PTCHD4: variants seen among roughly 807,000 people sequenced by gnomAD.
The protein encoded by PTCHD4 is patched domain containing 4, also known as patched domain-containing protein 4.
Under a neutral mutation model 58.1 loss-of-function variants are expected in PTCHD4, and 33 were observed. The ratio of observed to expected loss-of-function variants is 0.57; its 90% CI spans 0.43 to 0.76. PTCHD4 has a LOEUF of 0.76. Ranked by LOEUF, PTCHD4 falls within the 30% of genes least tolerant of loss-of-function variation. The probability of loss-of-function intolerance (pLI) is 0.00; values close to 1 mark genes in which losing one functional copy is unlikely to be tolerated. For synonymous variants in PTCHD4, 478 were observed against 409.6 expected (o/e 1.17, Z -2.02); for missense variants, 1,058 against 1,027.1 (o/e 1.03, Z -0.41).
chr6:47,889,855 G>T (rs1390599815), intron 4 of PTCHD4, among the ~76,000 whole-genome samples: 1 of 151,638 alleles, frequency 6.6e-6, no homozygotes, highest in African/African-American at 2.4e-5. Context: ...TTGACAAATG[G>T]GATCTAATTA....
Position 47,871,623 on chromosome 6 carries a change from C to G in PTCHD4, c.*6680G>C, listed in dbSNP as rs911699747. On this transcript the variant is annotated 3_prime_UTR_variant, in exon 5 of 5. Coordinates refer to ENST00000339488, the MANE Select transcript of PTCHD4 (RefSeq NM_001384253.1). ...GTGCTCATTTTACATTTTGCCTTGT[C>G]TAATTTGATAAAGTGAATGAGCATC... 2.6e-5 allele frequency among the ~76,000 whole-genome samples: 4 copies of G among 151,584 alleles called. No homozygotes were observed. The highest frequency in any genetic ancestry group is 9.7e-5 in the African/African-American group (4 of 41,356).
At chr6:47,986,069 T>C (rs1481972206) in intron 4 of PTCHD4, among the ~76,000 whole-genome samples, 1 of 152,074 alleles carries the variant, frequency 6.6e-6, no homozygotes, top group African/African-American at 2.4e-5. Context: ...TTTTAGAAAA[T>C]CTGTAGACAG....
intron 4 of PTCHD4, among the ~76,000 whole-genome samples, chr6:47,968,249 A>G (rs1340827532): frequency 6.6e-6 from 1 of 152,196 alleles, no homozygotes; most frequent in Non-Finnish European, 1.5e-5. Flanking sequence ...TCAATGGGGC[A>G]GTCAGAACAC....
chr6:47,989,024 T>G (rs1405003668), intron 4 of PTCHD4, among the ~76,000 whole-genome samples: 1 of 152,182 alleles, frequency 6.6e-6, no homozygotes, highest in Non-Finnish European at 1.5e-5. Context: ...AAAAGCCTGA[T>G]AGCGATATGG....
intron 4 of PTCHD4, among the ~76,000 whole-genome samples, chr6:47,921,006 T>C (rs1765414835): frequency 6.6e-6 from 1 of 152,034 alleles, no homozygotes; most frequent in African/African-American, 2.4e-5. Flanking sequence ...GGACTGAAGT[T>C]GTCTGCAGCA....
intron 4 of PTCHD4, among the ~76,000 whole-genome samples, chr6:47,910,389 G>T (rs1204764784): frequency 6.6e-6 from 1 of 151,980 alleles, no homozygotes. Context: ...CAGAGGGAGG[G>T]CATATTACTT....
At chr6:47,931,186 C>T (rs1364475614) in intron 4 of PTCHD4, among the ~76,000 whole-genome samples, 1 of 152,226 alleles carries the variant, frequency 6.6e-6, no homozygotes, top group African/African-American at 2.4e-5. Context: ...GACCTGGCAG[C>T]ATCCTGCTTA....
intron 4 of PTCHD4, among the ~76,000 whole-genome samples, chr6:48,004,513 A>T (rs2114071190): frequency 6.6e-6 from 1 of 152,318 alleles, no homozygotes; most frequent in Non-Finnish European, 1.5e-5. Flanking sequence ...TGAGGTGAAA[A>T]AAAGGCTGAC....
chr6:47,959,190 T>C (rs1482461374), intron 4 of PTCHD4, among the ~76,000 whole-genome samples: 1 of 152,238 alleles, frequency 6.6e-6, no homozygotes, highest in East Asian at 1.9e-4. Flanking sequence ...CCAGTTATTA[T>C]AACTGTATTT....
At chr6:48,036,885 A>T (rs1461225102) in intron 3 of PTCHD4, among the ~76,000 whole-genome samples, 2 of 152,166 alleles carry the variant, frequency 1.3e-5, no homozygotes, top group African/African-American at 4.8e-5. Context: ...ACTGTGCCTG[A>T]TAAGGGATTA....
At chr6:47,908,198 C>G (rs1764960267) in intron 4 of PTCHD4, among the ~76,000 whole-genome samples, 1 of 152,044 alleles carries the variant, frequency 6.6e-6, no homozygotes, top group Non-Finnish European at 1.5e-5. Context: ...CATGATGAGT[C>G]TAAAGAGGGA....
intron 3 of PTCHD4, among the ~76,000 whole-genome samples, chr6:48,053,603 T>C (rs1764308441): frequency 1.3e-5 from 2 of 152,178 alleles, no homozygotes; most frequent in African/African-American, 4.8e-5. Flanking sequence ...ATAATAAATA[T>C]TTACCATGAG....
intron 4 of PTCHD4, among the ~76,000 whole-genome samples, chr6:48,007,019 A>G (rs1762461199): frequency 6.6e-6 from 1 of 152,160 alleles, no homozygotes. Context: ...TGGGTGGATC[A>G]CCTGAAATCA....
intron 4 of PTCHD4, among the ~76,000 whole-genome samples, chr6:47,945,948 T>A (rs888598914): frequency 1.3e-5 from 2 of 151,976 alleles, no homozygotes; most frequent in Admixed American, 6.6e-5. Flanking sequence ...CAATAATATA[T>A]ACTTTAAAAA....
At chr6:48,030,027 G>C (rs1440934912) in intron 3 of PTCHD4, among the ~76,000 whole-genome samples, 1 of 152,012 alleles carries the variant, frequency 6.6e-6, no homozygotes. Flanking sequence ...TACTACAGGT[G>C]AAGTCTGGCT....
intron 3 of PTCHD4, among the ~76,000 whole-genome samples, chr6:48,017,460 A>G (rs1223707331): frequency 6.6e-6 from 1 of 152,234 alleles, no homozygotes; most frequent in East Asian, 1.9e-4. Context: ...TTAAAAAAAC[A>G]AGATTTCTGT....
chr6:47,916,723 C>T (rs562047688), intron 4 of PTCHD4, among the ~76,000 whole-genome samples: 1 of 152,078 alleles, frequency 6.6e-6, no homozygotes, highest in East Asian at 1.9e-4. Context: ...ATGCTTCCTC[C>T]TACAAGGCTA....
Position 48,018,977 on chromosome 6 carries a change from T to C in PTCHD4, c.418-9863A>G, listed in dbSNP as rs2114106219. Reference sequence around the variant, plus strand: ...AAATTCTCTTCTAAAAAGGCTCTAGTTTACAACCAGAGGCTATAGGACTAT... The same window carrying C: ...AAATTCTCTTCTAAAAAGGCTCTAGCTTACAACCAGAGGCTATAGGACTAT... On this transcript the variant is annotated intron_variant, in intron 3 of 4. Coordinates refer to ENST00000339488, the MANE Select transcript of PTCHD4 (RefSeq NM_001384253.1). Among the ~76,000 whole-genome samples the C allele has an allele frequency of 3.9e-5, 6 of 152,318 alleles. No homozygotes were observed. In the South Asian group the frequency reaches 1.2e-3, roughly 32 times the overall value.
chr6:48,047,532 G>C (rs1764077731), intron 3 of PTCHD4, among the ~76,000 whole-genome samples: 1 of 151,722 alleles, frequency 6.6e-6, no homozygotes, highest in South Asian at 2.1e-4. Flanking sequence ...ATTCTCATGA[G>C]AGCCCCATAA....
Sources: gnomAD v4.1 joint callset for allele counts (sites outside exome capture counted in the v4.1 genomes callset) on GRCh38, gnomAD v4.1.1 for gene constraint, MANE v1.5 for transcripts, NCBI Gene and HGNC (gene_info 2026-07-23, HGNC 2026-07-21) for gene names.